LRP4: variants seen among roughly 807,000 people sequenced by gnomAD.
LRP4 encodes low-density lipoprotein receptor-related protein 4.
A neutral mutation model predicts 220.3 loss-of-function variants in LRP4; 95 were observed. The ratio of observed to expected loss-of-function variants is 0.43; its 90% CI spans 0.37 to 0.51. The LOEUF is 0.51. LRP4 is among the 20% of genes least tolerant of loss of function. The probability of loss-of-function intolerance (pLI) is 0.00; values close to 1 mark genes in which losing one functional copy is unlikely to be tolerated. For missense variants in LRP4, 1,925 were observed against 2,567.0 expected (o/e 0.75, Z 5.40); for synonymous variants, 903 against 954.6 (o/e 0.95, Z 1.00).
At chr11:46,891,428 TACACACACACAC>T (rs57116396) in intron 13 of LRP4, among the ~76,000 whole-genome samples, 100 of 147,138 alleles carry the variant, frequency 6.8e-4, no homozygotes, top group East Asian at 1.2e-3. Context: ...TTGTATTTTA[TACACACACACAC>T]ACACACACAC....
At position 46,862,737 on chromosome 11, in the gene LRP4, A is replaced by AT; in HGVS notation, c.5253dup (p.Ser1752IlefsTer5). Reference sequence around the variant, plus strand: ...CCCATTCCAGGATCAGTGAACTTGGATTTTTTGTGTCTTTAGGAGGGAAGG... The same window carrying AT: ...CCCATTCCAGGATCAGTGAACTTGGATTTTTTTGTGTCTTTAGGAGGGAAGG... On this transcript the variant is annotated frameshift_variant, in exon 37 of 38. Coordinates refer to ENST00000378623, the MANE Select transcript of LRP4 (RefSeq NM_002334.4). LOFTEE classifies it high-confidence loss of function. 1 of 1,613,608 alleles carries AT rather than the reference A, an allele frequency of 6.2e-7. No homozygotes were observed. Among genetic ancestry groups the AT allele is most frequent in the Non-Finnish European group, 8.5e-7 (1 of 1,179,914 alleles).
intron 10 of LRP4, 95 bp downstream of exon 10, chr11:46,895,789 C>T: frequency 6.5e-7 from 1 of 1,547,726 alleles, no homozygotes; most frequent in South Asian, 1.1e-5. Flanking sequence ...AATGAGGTCA[C>T]ACCGTTCAAA....
chr11:46,914,660 T>C (rs1941920163), intron 1 of LRP4, among the ~76,000 whole-genome samples: 1 of 152,158 alleles, frequency 6.6e-6, no homozygotes, highest in Non-Finnish European at 1.5e-5. Flanking sequence ...TCCAGGCAAC[T>C]GTGACAAAAC....
intron 13 of LRP4, among the ~76,000 whole-genome samples, chr11:46,892,620 G>C (rs2134844509): frequency 6.6e-6 from 1 of 150,572 alleles, no homozygotes; most frequent in East Asian, 2.0e-4. Context: ...CTCCCAGGCT[G>C]GAGTGCAGTG....
chr11:46,876,993 G>A (rs1941037595), intron 23 of LRP4, among the ~76,000 whole-genome samples, 163 bp from the exon 24 acceptor site: 1 of 152,172 alleles, frequency 6.6e-6, no homozygotes, highest in Admixed American at 6.5e-5. Flanking sequence ...ATAGCTCTTG[G>A]CAGAGACGGA....
chr11:46,899,935 C>G lies in LRP4; in HGVS notation c.358G>C (p.Gly120Arg). Residue 120 changes from glycine to arginine, a missense_variant, in exon 4 of 38, where the codon GGC becomes CGC. Physicochemically the swap from Gly to Arg is moderately radical, Grantham distance 125 (BLOSUM62 -2). Transcript: ENST00000378623. This position sits in a 1 kb window ranked among gnomAD's most constrained non-coding sequence, Gnocchi z 5.9. Reference sequence around the variant, plus strand: ...TGCCACAGACTCCGGATGCAGTAGCCATTCTGGCAGGGAAACTCGTCCTCC... The same window carrying G: ...TGCCACAGACTCCGGATGCAGTAGCGATTCTGGCAGGGAAACTCGTCCTCC... ...CEEDEFPCQN[G>R]YCIRSLWHCD... 1 of 1,613,978 alleles carries G rather than the reference C, an allele frequency of 6.2e-7. No individual in the cohort carries two copies. The highest frequency in any genetic ancestry group is 1.1e-5 in the South Asian group (1 of 91,090).
chr11:46,864,213 A>G (rs1319531371), intron 36 of LRP4, among the ~76,000 whole-genome samples: 1 of 152,194 alleles, frequency 6.6e-6, no homozygotes, highest in Non-Finnish European at 1.5e-5. Flanking sequence ...CCTAGTCTAT[A>G]AAGAAAATCC....
At position 46,873,188 on chromosome 11, in the gene LRP4, C is replaced by T; in HGVS notation, c.4495G>A (p.Ala1499Thr). 1 of 1,614,180 alleles carries T rather than the reference C, an allele frequency of 6.2e-7. No homozygotes were observed. The highest frequency in any genetic ancestry group is 8.5e-7 in the Non-Finnish European group (1 of 1,180,040). The change falls in exon 30 of 38, where the codon GCA becomes ACA. Residue 1499 changes from alanine to threonine, a missense_variant. Coordinates refer to ENST00000378623, the MANE Select transcript of LRP4 (RefSeq NM_002334.4). The surrounding 1 kb of genome is among the most constrained non-coding windows in gnomAD (Gnocchi z 4.2). ...TTCCGCTCAGAACCATCCAAGTTTG[C>T]CCGTTCGATCTTGGCAATGTGGCCC... Reference protein sequence around the residue: ...DWGHIAKIERANLDGSERKVL... With the variant: ...DWGHIAKIERTNLDGSERKVL...
chr11:46,870,980 C>G (rs1029536587), intron 31 of LRP4, among the ~76,000 whole-genome samples: 1 of 152,152 alleles, frequency 6.6e-6, no homozygotes. Flanking sequence ...CACTCTAGTT[C>G]AAAGTTACAC....
chr11:46,898,497 C>A (rs988698351), intron 7 of LRP4, 61 bp downstream of exon 7: 28 of 1,611,610 alleles, frequency 1.7e-5, no homozygotes, highest in East Asian at 1.6e-4. Context: ...GTAGTGGCCT[C>A]TTTGGCTCCA....
chr11:46,893,597 G>GT (rs1248429337), intron 12 of LRP4, among the ~76,000 whole-genome samples: 3 of 152,132 alleles, frequency 2.0e-5, no homozygotes, highest in Non-Finnish European at 4.4e-5. Context: ...TGTTTCTGTG[G>GT]TTTTTTGTTT....
chr11:46,884,857 A>G (rs546318988), intron 18 of LRP4, among the ~76,000 whole-genome samples: 1 of 152,056 alleles, frequency 6.6e-6, no homozygotes, highest in East Asian at 1.9e-4. Flanking sequence ...GGTTGCAGTG[A>G]GCTGAGATTG....
chr11:46,880,010 CAGG>C (rs2134810250), intron 20 of LRP4, among the ~76,000 whole-genome samples: 1 of 152,204 alleles, frequency 6.6e-6, no homozygotes, highest in East Asian at 1.9e-4. Flanking sequence ...GAGGCTGAGG[CAGG>C]AGAATTGCTT....
chr11:46,880,323 AT>A (rs1941123487), intron 20 of LRP4, among the ~76,000 whole-genome samples: 1 of 146,062 alleles, frequency 6.8e-6, no homozygotes, highest in Non-Finnish European at 1.5e-5. Context: ...AAAAAAAGCT[AT>A]GTGTGGTGGC....
intron 1 of LRP4, among the ~76,000 whole-genome samples, chr11:46,910,877 C>A (rs1156905944): frequency 6.6e-6 from 1 of 152,026 alleles, no homozygotes; most frequent in Admixed American, 6.6e-5. Context: ...GGTTTCTCCA[C>A]ATTGACCAGG....
intron 12 of LRP4, 96 bp downstream of exon 12, chr11:46,894,493 T>C: frequency 1.1e-6 from 1 of 906,506 alleles, no homozygotes; most frequent in Non-Finnish European, 1.8e-6. Context: ...AAAGATGTCC[T>C]GCTGCCTAAG....
chr11:46,889,822 G>C, intron 15 of LRP4, 122 bp downstream of exon 15: 1 of 1,130,844 alleles, frequency 8.8e-7, no homozygotes, highest in Non-Finnish European at 1.3e-6. Context: ...CCATGTCAGT[G>C]CCCTGCTGGA....
At chr11:46,880,083 C>T (rs1396521377) in intron 20 of LRP4, among the ~76,000 whole-genome samples, 4 of 151,896 alleles carry the variant, frequency 2.6e-5, no homozygotes, top group Admixed American at 1.3e-4. Context: ...CCAGTCTGGG[C>T]GACAGAGCAA....
intron 1 of LRP4, 56 bp from the exon 2 acceptor site, chr11:46,902,985 A>G (rs1175422073): frequency 9.9e-6 from 16 of 1,610,486 alleles, no homozygotes; most frequent in Non-Finnish European, 1.3e-5. Flanking sequence ...ACCCAAGCCC[A>G]TTCCGAGGGG....
Sources: gnomAD v4.1 joint callset for allele counts (sites outside exome capture counted in the v4.1 genomes callset) on GRCh38, gnomAD v4.1.1 for gene constraint, Gnocchi (gnomAD v3.1) non-coding constraint, MANE v1.5 for transcripts, NCBI Gene and HGNC (gene_info 2026-07-23, HGNC 2026-07-21) for gene names.